The following C2orf66 variants were observed in gnomAD, a reference collection of about 807,000 sequenced individuals.
C2orf66 encodes chromosome 2 open reading frame 66.
C2orf66 carries 6 observed loss-of-function variants against 7.0 expected under a neutral mutation model. That is an observed-to-expected ratio of 0.86 (90% CI 0.47 to 1.69). The LOEUF (loss-of-function observed/expected upper bound fraction) is 1.69, where lower values mean the gene tolerates loss of function less well. Among genes scored for constraint, C2orf66 ranks in the 40% most tolerant of loss-of-function variants. The pLI is 0.01. For missense variants in C2orf66, 107 were observed against 112.0 expected (o/e 0.96, Z 0.20); for synonymous variants, 38 against 43.8 (o/e 0.87, Z 0.52).
At chr2:196,814,243 TA>T (rs1205969291), upstream of C2orf66, among the ~76,000 whole-genome samples, 1 of 152,052 alleles carries the variant, frequency 6.6e-6, no homozygotes, top group Non-Finnish European at 1.5e-5. Flanking sequence ...TATGCAGCCA[TA>T]AAAAAGGATG....
the C2orf66 span, among the ~76,000 whole-genome samples, chr2:196,820,009 A>G: frequency 6.6e-6 from 1 of 152,072 alleles, no homozygotes; most frequent in East Asian, 1.9e-4. Context: ...GACCACACAC[A>G]CTTTTCTATT....
At chr2:196,828,870 CA>C in the C2orf66 span, among the ~76,000 whole-genome samples, 1 of 152,130 alleles carries the variant, frequency 6.6e-6, no homozygotes, top group Non-Finnish European at 1.5e-5. Context: ...ATTCTGACAA[CA>C]AACGGAATGA....
At chr2:196,815,158 C>T in the C2orf66 span, among the ~76,000 whole-genome samples, 1 of 151,690 alleles carries the variant, frequency 6.6e-6, no homozygotes, top group Non-Finnish European at 1.5e-5. Flanking sequence ...TTTGTAGAAC[C>T]ATGTTTCACT....
In C2orf66 at chr2:196,807,587, T is replaced by C. The variant is rs1232659314; in HGVS notation, c.159A>G (p.Arg53=). ...TTGGAAATGTTCCAAGATCAAGACC[T>C]CTGCCCTTAAAATATGCCTGAAGCC... is the stretch of plus-strand genomic sequence containing the variant. ...FRRLQAYFKG[R]GLDLGTFPNP... is the part of the protein sequence containing the mutation. The change falls in exon 2 of 3, where the codon AGA becomes AGG. Residue 53 remains arginine (R), a synonymous_variant. Transcript: ENST00000342506. 2 of 1,613,214 alleles carry C rather than the reference T, an allele frequency of 1.2e-6. No individual in the cohort carries two copies. The highest frequency in any genetic ancestry group is 1.1e-5 in the South Asian group (1 of 90,838).
intron 2 of C2orf66, among the ~76,000 whole-genome samples, 175 bp downstream of exon 2, chr2:196,807,249 A>G (rs962306571): frequency 2.0e-5 from 3 of 152,248 alleles, no homozygotes; most frequent in African/African-American, 7.2e-5. Context: ...TTAAAACAAG[A>G]CTGTAAAATA....
chr2:196,807,176 T>C (rs1699828237), intron 2 of C2orf66, among the ~76,000 whole-genome samples: 1 of 152,190 alleles, frequency 6.6e-6, no homozygotes, highest in Admixed American at 6.5e-5. Flanking sequence ...GAGATAATTC[T>C]ATTATTTTAA....
chr2:196,819,477 C>A, the C2orf66 span, among the ~76,000 whole-genome samples: 1 of 152,164 alleles, frequency 6.6e-6, no homozygotes, highest in Admixed American at 6.5e-5. Context: ...TGTGCTGGCA[C>A]CCTGATCTTA....
At chr2:196,820,023 A>G in the C2orf66 span, among the ~76,000 whole-genome samples, 1 of 152,180 alleles carries the variant, frequency 6.6e-6, no homozygotes, top group Non-Finnish European at 1.5e-5. Flanking sequence ...TTCTATTTGA[A>G]TTGTTCTGGA....
upstream of C2orf66, among the ~76,000 whole-genome samples, chr2:196,812,555 T>G (rs1213757668): frequency 6.6e-6 from 1 of 152,146 alleles, no homozygotes; most frequent in Admixed American, 6.6e-5. Context: ...CCACTCCTAT[T>G]CAACATAGTA....
In C2orf66 at chr2:196,804,685, A is replaced by G. The variant is rs968959378; in HGVS notation, c.*743T>C. ...CAGGGGCTGGTTGGAAAGAGAGGAAATCACCTGTTTCTACTTTTCCTTCCT... is the reference window on the plus strand; with the variant it reads ...CAGGGGCTGGTTGGAAAGAGAGGAAGTCACCTGTTTCTACTTTTCCTTCCT... On this transcript the variant is annotated 3_prime_UTR_variant, in exon 3 of 3. Coordinates refer to ENST00000342506, the MANE Select transcript of C2orf66 (RefSeq NM_213608.3). Among the ~76,000 whole-genome samples, 3 of 152,224 alleles carry G rather than the reference A, an allele frequency of 2.0e-5. No individual in the cohort carries two copies. Among genetic ancestry groups the G allele is most frequent in the Non-Finnish European group, 4.4e-5 (3 of 68,044 alleles).
chr2:196,828,443 T>C, the C2orf66 span, among the ~76,000 whole-genome samples: 39 of 152,348 alleles, frequency 2.6e-4, no homozygotes, highest in African/African-American at 8.9e-4. Context: ...TTTAGTTCCA[T>C]GTCACGTGTA....
At chr2:196,816,743 G>T in the C2orf66 span, among the ~76,000 whole-genome samples, 2 of 152,190 alleles carry the variant, frequency 1.3e-5, no homozygotes, top group Non-Finnish European at 2.9e-5. Flanking sequence ...AAGGATAAAA[G>T]ATCTTCCTCT....
At chr2:196,821,927 G>GTTT in the C2orf66 span, among the ~76,000 whole-genome samples, 3 of 57,098 alleles carry the variant, frequency 5.3e-5, no homozygotes, top group Non-Finnish European at 7.0e-5. Context: ...GAACCAGTGA[G>GTTT]CTTTTTTTTT....
At chr2:196,820,240 CTTAT>C in the C2orf66 span, among the ~76,000 whole-genome samples, 90 of 152,162 alleles carry the variant, frequency 5.9e-4, no homozygotes, top group Non-Finnish European at 5.7e-4. Flanking sequence ...CAAAGCAGTT[CTTAT>C]TTATTTATTT....
At chr2:196,821,056 C>T in the C2orf66 span, among the ~76,000 whole-genome samples, 20 of 152,216 alleles carry the variant, frequency 1.3e-4, no homozygotes, top group African/African-American at 4.1e-4. Flanking sequence ...ATTTCACAGG[C>T]ACACAGAGGG....
chr2:196,815,368 A>G, the C2orf66 span, among the ~76,000 whole-genome samples: 6 of 152,352 alleles, frequency 3.9e-5, no homozygotes, highest in South Asian at 1.2e-3. Flanking sequence ...AGCACTAAGT[A>G]GATATTTTAT....
intron 1 of C2orf66, among the ~76,000 whole-genome samples, chr2:196,808,914 T>C (rs893063847): frequency 6.6e-6 from 1 of 152,206 alleles, no homozygotes; most frequent in African/African-American, 2.4e-5. Flanking sequence ...GTATTAGAAA[T>C]CAAGGCTACA....
the C2orf66 span, among the ~76,000 whole-genome samples, chr2:196,822,560 A>G: frequency 6.6e-6 from 1 of 152,136 alleles, no homozygotes; most frequent in Non-Finnish European, 1.5e-5. Flanking sequence ...AGTTTTCTCT[A>G]TTCTTTCATT....
chr2:196,828,521 C>A, the C2orf66 span, among the ~76,000 whole-genome samples: 1 of 152,174 alleles, frequency 6.6e-6, no homozygotes, highest in Admixed American at 6.5e-5. Context: ...TAATCCCCTC[C>A]TCTTGACTGT....
Sources: gnomAD v4.1 joint callset for allele counts (sites outside exome capture counted in the v4.1 genomes callset) on GRCh38, gnomAD v4.1.1 for gene constraint, MANE v1.5 for transcripts, NCBI Gene and HGNC (gene_info 2026-07-23, HGNC 2026-07-21) for gene names.